ATP2B2: variants seen among roughly 807,000 people sequenced by gnomAD.
ATP2B2 encodes the protein plasma membrane calcium-transporting ATPase 2.
ATP2B2 carries 15 observed loss-of-function variants against 120.0 expected under a neutral mutation model. The observed-to-expected ratio is 0.12, with a 90% CI of 0.08 to 0.19. The LOEUF (loss-of-function observed/expected upper bound fraction) is 0.19. Ranked by LOEUF, ATP2B2 falls within the 10% of genes least tolerant of loss-of-function variation. The probability of loss-of-function intolerance (pLI) is 1.00; values close to 1 mark genes in which losing one functional copy is unlikely to be tolerated. For missense variants in ATP2B2, 1,045 were observed against 1,719.8 expected (o/e 0.61, Z 6.94); for synonymous variants, 694 against 700.3 (o/e 0.99, Z 0.14).
upstream of ATP2B2, among the ~76,000 whole-genome samples, chr3:10,506,732 G>T (rs940333400): frequency 6.6e-6 from 1 of 152,150 alleles, no homozygotes; most frequent in African/African-American, 2.4e-5. Context: ...AGGGTGGAGG[G>T]GTGCATGGGG....
chr3:10,432,288 G>C (rs777757375), intron 2 of ATP2B2, among the ~76,000 whole-genome samples: 1 of 152,206 alleles, frequency 6.6e-6, no homozygotes, highest in Non-Finnish European at 1.5e-5. Flanking sequence ...TTAAACCCCA[G>C]GGCTGGGACC....
Position 10,351,294 on chromosome 3 carries a change from C to A in ATP2B2, c.2137-717G>T, listed in dbSNP as rs919090553. ...CCCTGAGCAGAGCTGAGGGTTTCCC[C>A]GAGGAAACCAGCCTGGAGCTGGGGC... On this transcript the variant is annotated intron_variant, in intron 14 of 22. Transcript: ENST00000360273. 4.6e-5 allele frequency among the ~76,000 whole-genome samples: 7 copies of A among 152,158 alleles called. No homozygotes were observed. The East Asian group carries it at 1.2e-3, about 25-fold the overall frequency.
At chr3:10,510,679 T>C (rs1426968343) in intron 3 of ATP2B2, among the ~76,000 whole-genome samples, 1 of 152,196 alleles carries the variant, frequency 6.6e-6, no homozygotes, top group African/African-American at 2.4e-5. Context: ...AGTGTTACTG[T>C]GGAAACAATG....
At chr3:10,431,148 G>A (rs1203216414) in intron 2 of ATP2B2, among the ~76,000 whole-genome samples, 1 of 152,092 alleles carries the variant, frequency 6.6e-6, no homozygotes, top group Non-Finnish European at 1.5e-5. Flanking sequence ...ATCTATTTTG[G>A]GTAAAGATGC....
intron 8 of ATP2B2, 37 bp from the exon 9 acceptor site, chr3:10,379,321 A>G: frequency 6.2e-7 from 1 of 1,608,622 alleles, no homozygotes; most frequent in Non-Finnish European, 8.5e-7. Context: ...AACAGAGAAC[A>G]GACAACACAT....
intron 1 of ATP2B2, among the ~76,000 whole-genome samples, chr3:10,501,853 C>T (rs1038701495): frequency 1.1e-4 from 16 of 152,166 alleles, no homozygotes; most frequent in Non-Finnish European, 4.4e-5. Context: ...CCACCAAGCC[C>T]ACTCTTAAGC....
intron 1 of ATP2B2, among the ~76,000 whole-genome samples, chr3:10,486,759 G>A (rs190864536): frequency 7.7e-4 from 117 of 152,156 alleles, no homozygotes; most frequent in African/African-American, 1.9e-3. Context: ...TCACTCTGTC[G>A]CCCAGGCTGG....
rs920377324 is a variant in ATP2B2 at position 10,375,658 on chromosome 3, G to A, written c.1202-14C>T. The A allele has an allele frequency of 5.0e-6, 8 of 1,609,702 alleles. No individual in the cohort carries two copies. The African/African-American group carries it at 6.7e-5, about 13-fold the overall frequency. On this transcript the variant is annotated splice_polypyrimidine_tract_variant and intron_variant, in intron 10 of 22. Coordinates refer to ENST00000360273, the MANE Select transcript of ATP2B2 (RefSeq NM_001001331.4). This position sits in a 1 kb window ranked among gnomAD's most constrained non-coding sequence, Gnocchi z 4.2. Reference sequence around the variant, plus strand: ...ACATCACCAAGCCTGCAATGTGAGGGACACATGCTTGGGGGGTTCCAGGAA... The same window carrying A: ...ACATCACCAAGCCTGCAATGTGAGGAACACATGCTTGGGGGGTTCCAGGAA...
intron 1 of ATP2B2, among the ~76,000 whole-genome samples, chr3:10,473,498 G>C (rs191950584): frequency 6.6e-6 from 1 of 152,108 alleles, no homozygotes; most frequent in African/African-American, 2.4e-5. Context: ...TGTGTGCGGC[G>C]GTGTACACCT....
At chr3:10,512,119 C>G (rs1040016675) in intron 3 of ATP2B2, among the ~76,000 whole-genome samples, 2 of 152,080 alleles carry the variant, frequency 1.3e-5, no homozygotes, top group African/African-American at 4.8e-5. Flanking sequence ...GTGGCTTGTT[C>G]AAGGGTGCAT....
intron 1 of ATP2B2, among the ~76,000 whole-genome samples, chr3:10,672,383 T>C (rs1426091976): frequency 1.3e-5 from 2 of 152,204 alleles, no homozygotes; most frequent in East Asian, 3.8e-4. Flanking sequence ...GGGACAGAAA[T>C]GCGCAAAAGG....
intron 3 of ATP2B2, among the ~76,000 whole-genome samples, chr3:10,404,967 G>A (rs2062360313): frequency 6.6e-6 from 1 of 152,098 alleles, no homozygotes; most frequent in Admixed American, 6.6e-5. Flanking sequence ...CTTCCTCAAT[G>A]GGGCCCCCAT....
rs1255345347 is a variant in ATP2B2 at position 10,327,773 on chromosome 3, G to C, written c.*1041C>G. The C allele has an allele frequency of 6.5e-6, 1 of 152,674 alleles. No homozygotes were observed. The highest frequency in any genetic ancestry group is 2.4e-5 in the African/African-American group (1 of 41,452). 9.5% of individuals were successfully genotyped at this position (152,674 alleles called of 1,614,324 possible). A position where few individuals can be genotyped will look rare whatever the true frequency, so the allele number is the denominator to read the frequency against. On this transcript the variant is annotated 3_prime_UTR_variant, in exon 23 of 23. Coordinates refer to ENST00000360273, the MANE Select transcript of ATP2B2 (RefSeq NM_001001331.4). ...CTCCTCCTCTCCCTTCGTCTACGGA[G>C]CATGTTGTTAAACCCCTCAGGATGG...
intron 1 of ATP2B2, among the ~76,000 whole-genome samples, chr3:10,637,311 C>G (rs542195996): frequency 6.6e-6 from 1 of 152,218 alleles, no homozygotes; most frequent in East Asian, 1.9e-4. Flanking sequence ...CAGGAAATTA[C>G]AATCAAAGTG....
At chr3:10,349,751 A>G (rs186933438) in intron 16 of ATP2B2, among the ~76,000 whole-genome samples, 7 of 152,186 alleles carry the variant, frequency 4.6e-5, no homozygotes, top group African/African-American at 1.7e-4. Context: ...AAGGTGAGAG[A>G]GCAGGGTCTG....
intron 2 of ATP2B2, among the ~76,000 whole-genome samples, chr3:10,615,699 A>C (rs1472121669): frequency 6.6e-6 from 1 of 152,196 alleles, no homozygotes; most frequent in Non-Finnish European, 1.5e-5. Flanking sequence ...TCTCTCCACC[A>C]CTGATTTTAT....
intron 1 of ATP2B2, among the ~76,000 whole-genome samples, chr3:10,477,384 G>C (rs901590304): frequency 2.0e-5 from 3 of 152,030 alleles, no homozygotes; most frequent in Non-Finnish European, 2.9e-5. Flanking sequence ...TCTCTTTTTT[G>C]TGGTTAAGTC....
chr3:10,670,804 G>A (rs914925804), intron 1 of ATP2B2, among the ~76,000 whole-genome samples: 2 of 152,142 alleles, frequency 1.3e-5, no homozygotes, highest in East Asian at 1.9e-4. Context: ...AGCAGAATCC[G>A]GATTGGTACA....
At chr3:10,557,183 G>C (rs1044285081) in intron 2 of ATP2B2, among the ~76,000 whole-genome samples, 1 of 152,192 alleles carries the variant, frequency 6.6e-6, no homozygotes, top group African/African-American at 2.4e-5. Flanking sequence ...ATGCAGCTTG[G>C]GCCCTGGGTG....
Sources: allele counts gnomAD v4.1 joint callset (sites outside exome capture counted in the v4.1 genomes callset), GRCh38; gene constraint gnomAD v4.1.1; non-coding constraint Gnocchi (gnomAD v3.1); transcripts MANE v1.5; gene names NCBI Gene and HGNC (gene_info 2026-07-23, HGNC 2026-07-21).